PRKN: variants seen among roughly 807,000 people sequenced by gnomAD.
PRKN encodes the protein E3 ubiquitin-protein ligase parkin.
A neutral mutation model predicts 59.5 loss-of-function variants in PRKN; 56 were observed. That is an observed-to-expected ratio of 0.94 (90% CI 0.76 to 1.18). The LOEUF is 1.18. PRKN is among the 50% of genes most tolerant of loss of function. PRKN has a pLI of 0.00. For missense variants in PRKN, 657 were observed against 596.4 expected (o/e 1.10, Z -1.06); for synonymous variants, 250 against 222.1 (o/e 1.13, Z -1.12).
intron 5 of PRKN, among the ~76,000 whole-genome samples, chr6:161,978,021 TTATTTTATTG>T (rs1160543534): frequency 1.2e-4 from 15 of 126,596 alleles, no homozygotes; most frequent in Middle Eastern, 3.9e-3. Context: ...TTATTGTATT[TTATTTTATTG>T]TATTTTATTT....
chr6:161,721,881 G>A (rs955797857), intron 7 of PRKN, among the ~76,000 whole-genome samples: 4 of 152,256 alleles, frequency 2.6e-5, no homozygotes, highest in African/African-American at 9.6e-5. Context: ...CAGATTAAGT[G>A]GAACTGTTTG....
chr6:162,710,405 ACACACACAC>A (rs1778490748), intron 1 of PRKN, among the ~76,000 whole-genome samples: 1 of 151,134 alleles, frequency 6.6e-6, no homozygotes, highest in African/African-American at 2.4e-5. Context: ...ACACACACAC[ACACACACAC>A]AACTGTTTGG....
rs376992611 is a variant in PRKN, at chr6:162,262,582, G to A, written c.355C>T (p.Leu119=). 1.2e-5 allele frequency: 19 copies of A among 1,613,004 alleles called. No homozygotes were observed. The highest frequency in any genetic ancestry group is 1.3e-5 in the African/African-American group (1 of 74,860). The change falls in exon 3 of 12, where the codon CTG becomes TTG. Residue 119 remains leucine, a synonymous_variant. Coordinates refer to ENST00000366898, the MANE Select transcript of PRKN (RefSeq NM_004562.3). ...CTGTCAGTGTGCAGAATGACAGCCA[G>A]CCCCACAGAGTCTCCTGGGAGGACT... ...SSVLPGDSVG[L]AVILHTDSRK...
intron 1 of PRKN, among the ~76,000 whole-genome samples, chr6:162,653,064 T>A (rs1170941055): frequency 6.6e-6 from 1 of 152,224 alleles, no homozygotes; most frequent in Non-Finnish European, 1.5e-5. Flanking sequence ...AGATATTTTA[T>A]TACTAGCTGT....
chr6:162,662,801 T>C (rs1778941129), intron 1 of PRKN, among the ~76,000 whole-genome samples: 1 of 152,172 alleles, frequency 6.6e-6, no homozygotes. Context: ...TTTATACCAG[T>C]ATGATGCTGT....
intron 2 of PRKN, among the ~76,000 whole-genome samples, chr6:162,280,960 G>A (rs1010146376): frequency 4.6e-5 from 7 of 152,078 alleles, no homozygotes; most frequent in African/African-American, 1.7e-4. Context: ...AAAAAAGAAT[G>A]AGATCATGTC....
In PRKN at chr6:162,373,952, G is replaced by T. The variant is rs75871933; in HGVS notation, c.171+69358C>A. On this transcript the variant is annotated intron_variant, in intron 2 of 11. Transcript: ENST00000366898. ...AGTCAGGTACACAAACAGTTGTATT[G>T]GTTACACCTTGGTGTCTATTTGAAC... Among the ~76,000 whole-genome samples, 36 of 152,230 alleles carry T rather than the reference G, an allele frequency of 2.4e-4. No homozygotes were observed. The East Asian group carries it at 7.0e-3, about 29-fold the overall frequency.
chr6:161,873,982 A>ATATAT (rs368936139), intron 6 of PRKN, among the ~76,000 whole-genome samples: 9,675 of 27,420 alleles, frequency 0.35, 3,192 homozygotes, highest in Middle Eastern at 0.46. Context: ...TATATAAAAT[A>ATATAT]TATATGTAAA....
intron 5 of PRKN, among the ~76,000 whole-genome samples, chr6:162,033,132 T>C (rs1482903287): frequency 1.3e-5 from 2 of 152,202 alleles, no homozygotes; most frequent in East Asian, 1.9e-4. Context: ...CCTCCATCAC[T>C]TTTCACAGCT....
chr6:162,298,624 C>G (rs1781796224), intron 2 of PRKN, among the ~76,000 whole-genome samples: 2 of 145,504 alleles, frequency 1.4e-5, no homozygotes, highest in East Asian at 4.2e-4. Flanking sequence ...CCACCACCCC[C>G]CACCCCCCAA....
chr6:162,384,981 T>A (rs560089484), intron 2 of PRKN, among the ~76,000 whole-genome samples: 1 of 152,166 alleles, frequency 6.6e-6, no homozygotes, highest in Non-Finnish European at 1.5e-5. Context: ...AAGGGGCCTA[T>A]GTTTATATCA....
chr6:162,149,807 G>A (rs373584016), intron 4 of PRKN, among the ~76,000 whole-genome samples: 1 of 152,132 alleles, frequency 6.6e-6, no homozygotes, highest in Non-Finnish European at 1.5e-5. Flanking sequence ...GTGGAAGGGC[G>A]AAGGCAGTCA....
At chr6:162,501,831 A>C (rs1449490610) in intron 1 of PRKN, among the ~76,000 whole-genome samples, 1 of 152,122 alleles carries the variant, frequency 6.6e-6, no homozygotes, top group Non-Finnish European at 1.5e-5. Context: ...ATAAGAAACA[A>C]AATGACAGCT....
chr6:161,765,757 C>T (rs780660832), intron 7 of PRKN, among the ~76,000 whole-genome samples: 1 of 152,058 alleles, frequency 6.6e-6, no homozygotes, highest in Non-Finnish European at 1.5e-5. Flanking sequence ...GGTCTTACTC[C>T]CTCTGAAACC....
intron 2 of PRKN, among the ~76,000 whole-genome samples, chr6:162,358,959 C>CT (rs1364280016): frequency 6.7e-6 from 1 of 149,302 alleles, no homozygotes; most frequent in Non-Finnish European, 1.5e-5. Context: ...ACTGAGGAGA[C>CT]TGAGTCAGGA....
At chr6:161,913,192 A>G (rs968527441) in intron 6 of PRKN, among the ~76,000 whole-genome samples, 1 of 147,546 alleles carries the variant, frequency 6.8e-6, no homozygotes, top group African/African-American at 2.5e-5. Context: ...AAAAAAAAAG[A>G]CATGGGATAA....
At chr6:161,438,708 G>A (rs984791909) in intron 9 of PRKN, among the ~76,000 whole-genome samples, 2 of 152,192 alleles carry the variant, frequency 1.3e-5, no homozygotes, top group African/African-American at 4.8e-5. Flanking sequence ...GATGGATGTT[G>A]TTAAGGAATT....
intron 1 of PRKN, among the ~76,000 whole-genome samples, chr6:162,450,572 G>C (rs926049651): frequency 1.3e-5 from 2 of 152,192 alleles, no homozygotes; most frequent in South Asian, 4.1e-4. Context: ...CCTTGACACA[G>C]TGTGATGCAA....
intron 2 of PRKN, among the ~76,000 whole-genome samples, chr6:162,410,392 A>C (rs1304372851): frequency 6.6e-6 from 1 of 152,150 alleles, no homozygotes; most frequent in East Asian, 1.9e-4. Flanking sequence ...TGTGCCACTG[A>C]AAAACAGCTA....
Sources: gnomAD v4.1 joint callset for allele counts (sites outside exome capture counted in the v4.1 genomes callset) on GRCh38, gnomAD v4.1.1 for gene constraint, MANE v1.5 for transcripts, NCBI Gene and HGNC (gene_info 2026-07-23, HGNC 2026-07-21) for gene names.